CACNB2: variants seen among roughly 807,000 people sequenced by gnomAD.
The protein encoded by CACNB2 is voltage-dependent L-type calcium channel subunit beta-2.
Under a neutral mutation model 73.3 loss-of-function variants are expected in CACNB2, and 42 were observed. The observed-to-expected ratio is 0.57, with a 90% confidence interval of 0.45 to 0.74. CACNB2 has a LOEUF of 0.74. Ranked by LOEUF, CACNB2 falls within the 30% of genes least tolerant of loss-of-function variation. The pLI, the probability that CACNB2 is intolerant of heterozygous loss-of-function variation, is 0.00. For missense variants in CACNB2, 940 were observed against 853.0 expected, an observed-to-expected ratio of 1.10 and a Z score of -1.27; for synonymous variants, 348 against 310.3, an observed-to-expected ratio of 1.12 and a Z score of -1.28.
chr10:18,141,046 C>G (rs998597192), intron 1 of CACNB2, 190 bp downstream of exon 1: 4 of 1,545,544 alleles, frequency 2.6e-6, no homozygotes, highest in South Asian at 1.2e-5. Flanking sequence ...GGCTCTGCCT[C>G]GGCTTCCATT....
intron 3 of CACNB2, among the ~76,000 whole-genome samples, chr10:18,445,323 C>A (rs960445790): frequency 9.9e-5 from 15 of 152,276 alleles, no homozygotes; most frequent in African/African-American, 3.4e-4. Flanking sequence ...TAACTACCAA[C>A]AGAGCATCAA....
intron 2 of CACNB2, among the ~76,000 whole-genome samples, chr10:18,386,671 C>G (rs12772849): frequency 6.9e-4 from 105 of 152,098 alleles, no homozygotes; most frequent in African/African-American, 2.3e-3. Context: ...CTCCCAAAGT[C>G]CTGGGATTAC....
At chr10:18,443,795 A>G (rs1289952766) in intron 3 of CACNB2, among the ~76,000 whole-genome samples, 1 of 150,482 alleles carries the variant, frequency 6.6e-6, no homozygotes, top group Non-Finnish European at 1.5e-5. Flanking sequence ...GCTCACTGAA[A>G]CCTCCACCTC....
At chr10:18,240,079 G>A (rs1588809006) in intron 2 of CACNB2, among the ~76,000 whole-genome samples, 1 of 152,112 alleles carries the variant, frequency 6.6e-6, no homozygotes, top group African/African-American at 2.4e-5. Context: ...GGCAACTTAT[G>A]TACTATTTTT....
intron 5 of CACNB2, among the ~76,000 whole-genome samples, chr10:18,505,444 T>G (rs2050436564): frequency 6.6e-6 from 1 of 152,172 alleles, no homozygotes; most frequent in Non-Finnish European, 1.5e-5. Context: ...CTAATAAAGT[T>G]TTTGATGTTT....
At chr10:18,228,433 C>CAAAAA (rs1164745930) in intron 2 of CACNB2, among the ~76,000 whole-genome samples, 16 of 34,804 alleles carry the variant, frequency 4.6e-4, no homozygotes, top group African/African-American at 1.1e-3. Context: ...AACTCTACCT[C>CAAAAA]AAAAAAAAAA....
At chr10:18,307,262 G>A (rs1228320441) in intron 2 of CACNB2, among the ~76,000 whole-genome samples, 1 of 152,182 alleles carries the variant, frequency 6.6e-6, no homozygotes, top group Non-Finnish European at 1.5e-5. Context: ...TGAAGTTTGA[G>A]ACCAGCCTAG....
chr10:18,496,185 C>CAAAAAAAAAAAAAAA (rs57139534), intron 3 of CACNB2, among the ~76,000 whole-genome samples: 1 of 84,100 alleles, frequency 1.2e-5, no homozygotes, highest in East Asian at 3.8e-4. Context: ...GACTCAGTCT[C>CAAAAAAAAAAAAAAA]AAAAAAAAAA....
intron 9 of CACNB2, among the ~76,000 whole-genome samples, chr10:18,525,001 C>G (rs907488456): frequency 1.4e-5 from 2 of 147,896 alleles, no homozygotes; most frequent in East Asian, 3.9e-4. Context: ...CCCTTGCACT[C>G]CAGCCTGGGT....
chr10:18,501,046 C>T, intron 5 of CACNB2, 98 bp downstream of exon 5: 4 of 1,199,906 alleles, frequency 3.3e-6, no homozygotes. Flanking sequence ...TATGTATTAA[C>T]AAGGAGGCTG....
At chr10:18,222,883 G>C (rs1225290371) in intron 2 of CACNB2, among the ~76,000 whole-genome samples, 1 of 152,212 alleles carries the variant, frequency 6.6e-6, no homozygotes, top group Non-Finnish European at 1.5e-5. Context: ...GTTGCAGTGA[G>C]CTGAGATTGC....
intron 2 of CACNB2, among the ~76,000 whole-genome samples, chr10:18,216,027 G>A (rs918440545): frequency 2.0e-5 from 3 of 152,044 alleles, no homozygotes; most frequent in African/African-American, 7.2e-5. Flanking sequence ...CAGGTGTGGT[G>A]GCTCATGCCT....
chr10:18,249,520 T>C (rs544335201), intron 2 of CACNB2, among the ~76,000 whole-genome samples: 1 of 152,234 alleles, frequency 6.6e-6, no homozygotes, highest in Non-Finnish European at 1.5e-5. Flanking sequence ...GCTCTCTTTA[T>C]TGAACTCATT....
intron 2 of CACNB2, among the ~76,000 whole-genome samples, chr10:18,363,023 G>T (rs2132231777): frequency 6.6e-6 from 1 of 152,290 alleles, no homozygotes; most frequent in Non-Finnish European, 1.5e-5. Flanking sequence ...GTGAGCAAAA[G>T]CTGATTGTCT....
intron 3 of CACNB2, 86 bp downstream of exon 3, chr10:18,402,129 G>C (rs902314929): frequency 7.1e-7 from 1 of 1,417,642 alleles, no homozygotes; most frequent in Admixed American, 1.7e-5. Flanking sequence ...CCTAAAGGTT[G>C]TTTGATCTAT....
At chr10:18,303,034 G>A (rs919775485) in intron 2 of CACNB2, among the ~76,000 whole-genome samples, 10 of 151,992 alleles carry the variant, frequency 6.6e-5, no homozygotes, top group Non-Finnish European at 1.0e-4. Flanking sequence ...GAAGCTTCAC[G>A]GGGGTCTCCT....
At chr10:18,298,694 G>A (rs1470785333) in intron 2 of CACNB2, among the ~76,000 whole-genome samples, 5 of 152,222 alleles carry the variant, frequency 3.3e-5, no homozygotes, top group Admixed American at 6.5e-5. Flanking sequence ...GACATTAGAT[G>A]TCTTGACCAG....
intron 3 of CACNB2, among the ~76,000 whole-genome samples, chr10:18,406,322 G>A (rs2044286200): frequency 1.3e-5 from 2 of 152,186 alleles, no homozygotes; most frequent in Non-Finnish European, 2.9e-5. Flanking sequence ...TGGCTTAAAA[G>A]TAGACCTCAC....
intron 6 of CACNB2, among the ~76,000 whole-genome samples, chr10:18,511,697 G>C (rs2050797273): frequency 6.6e-6 from 1 of 152,136 alleles, no homozygotes; most frequent in Admixed American, 6.5e-5. Flanking sequence ...TAATTTTCTA[G>C]CTAGTCCAGC....
Sources: gnomAD v4.1 joint callset for allele counts (sites outside exome capture counted in the v4.1 genomes callset) on GRCh38, gnomAD v4.1.1 for gene constraint, MANE v1.5 for transcripts, NCBI Gene and HGNC (gene_info 2026-07-23, HGNC 2026-07-21) for gene names.